LMF1: variants seen among roughly 807,000 people sequenced by gnomAD.
LMF1 encodes lipase maturation factor 1.
In LMF1, 68 loss-of-function variants were observed where a neutral mutation model predicts 60.6. The ratio of observed to expected loss-of-function variants is 1.12; its 90% CI spans 0.92 to 1.37. The LOEUF is 1.37. Ranked by LOEUF, LMF1 falls within the 40% of genes most tolerant of loss-of-function variation. The pLI is 0.00. For missense variants in LMF1, 948 were observed against 767.2 expected (o/e 1.24, Z -2.78); for synonymous variants, 418 against 324.7 (o/e 1.29, Z -3.09).
intron 2 of LMF1, chr16:947,677 G>T (rs1192822629): frequency 4.5e-6 from 2 of 440,786 alleles, no homozygotes; most frequent in Admixed American, 2.4e-5. Context: ...GTGGGGAAGG[G>T]ATGGCGGTGC....
intron 2 of LMF1, among the ~76,000 whole-genome samples, chr16:949,767 CAGAGTCAGCCAAT>C: frequency 9.6e-6 from 1 of 104,210 alleles, no homozygotes; most frequent in Non-Finnish European, 1.8e-5. Flanking sequence ...GAGCCAATGA[CAGAGTCAGCCAAT>C]GACAGAGTCA....
intron 1 of LMF1, among the ~76,000 whole-genome samples, chr16:957,115 C>T (rs547823663): frequency 1.3e-5 from 2 of 152,102 alleles, no homozygotes; most frequent in African/African-American, 2.4e-5. Context: ...GGCACCATTG[C>T]ACTCCAGCCT....
At chr16:922,115 C>G (rs557269177) in intron 3 of LMF1, among the ~76,000 whole-genome samples, 16 of 152,022 alleles carry the variant, frequency 1.1e-4, no homozygotes, top group Non-Finnish European at 2.2e-4. Flanking sequence ...GGGACAGAGG[C>G]GATGAGGGAG....
intron 6 of LMF1, chr16:873,484 G>T (rs74001102): frequency 0.042 from 6,331 of 152,358 alleles, 412 homozygotes; most frequent in African/African-American, 0.14. Context: ...ACGGCGCATG[G>T]CCCCAAGAAG....
intron 2 of LMF1, among the ~76,000 whole-genome samples, chr16:952,412 G>A (rs1361255282): frequency 6.6e-6 from 1 of 152,022 alleles, no homozygotes; most frequent in Non-Finnish European, 1.5e-5. Context: ...CTGAGCCTCC[G>A]ACCAGGGAAC....
At chr16:855,547 G>A (rs1383796663) in intron 10 of LMF1, 1 of 367,570 alleles carries the variant, frequency 2.7e-6, no homozygotes, top group Admixed American at 3.5e-5. Flanking sequence ...CCCCGGAGGA[G>A]GAGGCGCCAG....
intron 4 of LMF1, 107 bp from the exon 5 acceptor site, chr16:893,179 T>G (rs2070542140): frequency 1.0e-6 from 1 of 979,126 alleles, no homozygotes; most frequent in African/African-American, 1.6e-5. Context: ...AGGCCGTGGA[T>G]CTGGGCTGCA....
At chr16:949,180 G>T (rs1313036767) in intron 2 of LMF1, among the ~76,000 whole-genome samples, 1 of 146,206 alleles carries the variant, frequency 6.8e-6, no homozygotes, top group African/African-American at 2.6e-5. Flanking sequence ...GTCAGCCAAC[G>T]ACAGAGTCAG....
chr16:935,162 G>T (rs932126327), intron 2 of LMF1, among the ~76,000 whole-genome samples: 5 of 151,802 alleles, frequency 3.3e-5, no homozygotes, highest in Admixed American at 6.6e-5. Context: ...GAGTGCAGCG[G>T]TGCATAACCT....
chr16:862,388 C>A (rs893453056), intron 10 of LMF1, among the ~76,000 whole-genome samples: 1 of 152,110 alleles, frequency 6.6e-6, no homozygotes, highest in Admixed American at 6.6e-5. Flanking sequence ...AGGTGATCTG[C>A]TCGCCTCGGC....
rs2069323287 is a variant in LMF1 at position 859,030 on chromosome 16, G to GTGTGCAGTGGTGTCACGGGACGC, written c.1530-4325_1530-4324insGCGTCCCGTGACACCACTGCACA. ...GCGTGTGCAGTGGTGTCACGGGACG[G>GTGTGCAGTGGTGTCACGGGACGC]GTGTGAGTGATGTCACGGGACGGGT... On this transcript the variant is annotated intron_variant, in intron 10 of 10. Transcript: ENST00000262301. Among the ~76,000 whole-genome samples, 8 of 60,014 alleles carry GTGTGCAGTGGTGTCACGGGACGC rather than the reference G, an allele frequency of 1.3e-4. 2 individuals carry two copies. The highest frequency in any genetic ancestry group is 5.2e-4 in the Admixed American group (3 of 5,732). 39.4% of individuals were successfully genotyped at this position (60,014 alleles called of 152,430 possible).
At chr16:971,146 C>G, upstream of LMF1, 1 of 664,152 alleles carries the variant, frequency 1.5e-6, no homozygotes, top group Non-Finnish European at 2.2e-6. Context: ...TCCAGCCGGC[C>G]CCGCCCACGC....
At chr16:896,291 C>T (rs925479046) in intron 4 of LMF1, among the ~76,000 whole-genome samples, 32 of 152,166 alleles carry the variant, frequency 2.1e-4, no homozygotes, top group African/African-American at 7.2e-4. Flanking sequence ...TCAGCCACCC[C>T]GCGCACTGTG....
upstream of LMF1, among the ~76,000 whole-genome samples, chr16:972,834 C>T (rs1044387926): frequency 2.6e-5 from 4 of 152,228 alleles, no homozygotes; most frequent in South Asian, 2.1e-4. Context: ...GAGCAGTCAG[C>T]GGAAGGGTCT....
chr16:917,565 T>C (rs1424378038), intron 3 of LMF1, among the ~76,000 whole-genome samples: 3 of 152,138 alleles, frequency 2.0e-5, no homozygotes, highest in Non-Finnish European at 2.9e-5. Context: ...GCCACACGTG[T>C]GTGCTGCGGG....
At chr16:936,686 C>T (rs929455440) in intron 2 of LMF1, among the ~76,000 whole-genome samples, 24 of 152,196 alleles carry the variant, frequency 1.6e-4, no homozygotes, top group Non-Finnish European at 3.2e-4. Context: ...TCCAAGCAAC[C>T]GCTGTACACA....
intron 3 of LMF1, chr16:931,806 A>C (rs1223681179): frequency 7.8e-7 from 1 of 1,282,714 alleles, no homozygotes; most frequent in Non-Finnish European, 1.0e-6. Context: ...GCAGGGTCAG[A>C]CACAACATGA....
chr16:979,086 G>A (rs560302121), intron 1 of LMF1: 14 of 453,856 alleles, frequency 3.1e-5, no homozygotes, highest in Non-Finnish European at 5.3e-5. Context: ...AGGGTGGCCC[G>A]GCTCCATCCT....
Position 911,072 on chromosome 16 carries a change from C to T in LMF1, c.522G>A (p.Glu174=). 1.2e-6 allele frequency: 2 copies of T among 1,611,648 alleles called. No individual in the cohort carries two copies. Among genetic ancestry groups the T allele is most frequent in the Non-Finnish European group, 1.7e-6 (2 of 1,179,228 alleles). ...VGHVWYSFGW[E]SQLLETGFLG... ...GGAACCCCGTCTCCAGAAGCTGGGA[C>T]TCCCATCCTAAAACAACGAGACATA... is the stretch of plus-strand genomic sequence containing the variant. Residue 174 remains glutamate (E), a synonymous_variant, in exon 4 of 11, where the codon GAG becomes GAA. Transcript: ENST00000262301.
Sources: allele counts gnomAD v4.1 joint callset (sites outside exome capture counted in the v4.1 genomes callset), GRCh38; gene constraint gnomAD v4.1.1; transcripts MANE v1.5; gene names NCBI Gene and HGNC (gene_info 2026-07-23, HGNC 2026-07-21).